The following RBFOX1 variants were observed in gnomAD, a reference collection of about 807,000 sequenced individuals.
RBFOX1 encodes the protein RNA binding fox-1 homolog 1, also known as RNA binding protein fox-1 homolog 1.
A neutral mutation model predicts 57.7 loss-of-function variants in RBFOX1; 8 were observed. That is an observed-to-expected ratio of 0.14 (90% CI 0.08 to 0.25). The LOEUF is 0.25. Among genes scored for constraint, RBFOX1 ranks in the 10% least tolerant of loss-of-function variants. The pLI is 1.00. For synonymous variants in RBFOX1, 326 were observed against 222.4 expected (o/e 1.47, Z -4.15); for missense variants, 611 against 548.5 (o/e 1.11, Z -1.14).
chr16:7,241,777 C>G (rs2094075684), intron 4 of RBFOX1, among the ~76,000 whole-genome samples: 1 of 151,402 alleles, frequency 6.6e-6, no homozygotes, highest in Non-Finnish European at 1.5e-5. Context: ...CCTTCTTTTT[C>G]TCTTTCAATC....
At chr16:6,346,127 G>A (rs1318132356) in intron 2 of RBFOX1, among the ~76,000 whole-genome samples, 1 of 152,146 alleles carries the variant, frequency 6.6e-6, no homozygotes, top group East Asian at 1.9e-4. Context: ...GCATTTCCCA[G>A]CTTGACTTTT....
chr16:6,846,275 T>C (rs1018394249), intron 3 of RBFOX1, among the ~76,000 whole-genome samples: 2 of 152,084 alleles, frequency 1.3e-5, no homozygotes, highest in Non-Finnish European at 1.5e-5. Context: ...GGCCCGAAGA[T>C]CCCCAATTCC....
At position 5,774,544 on chromosome 16, in the gene RBFOX1, T is replaced by TAAG. The variant is rs1353288672; in HGVS notation, c.319-92758_319-92756dup. 3.3e-5 allele frequency among the ~76,000 whole-genome samples: 5 copies of TAAG among 152,332 alleles called. No homozygotes were observed. The East Asian group carries it at 7.7e-4, about 24-fold the overall frequency. On this transcript the variant is annotated intron_variant, in intron 3 of 19. Coordinates refer to the RBFOX1 transcript ENST00000641259. ...TGCAGCTTCCTTCCACATATCCTAGTAAGTAGTAGTTATCAATAGCTAAAC... is the reference window on the plus strand; with the variant it reads ...TGCAGCTTCCTTCCACATATCCTAGTAAGAAGTAGTAGTTATCAATAGCTAAAC...
At chr16:5,380,259 G>A (rs962393113) in intron 1 of RBFOX1, among the ~76,000 whole-genome samples, 1 of 152,188 alleles carries the variant, frequency 6.6e-6, no homozygotes, top group African/African-American at 2.4e-5. Flanking sequence ...TCGACTTTCA[G>A]TAGGTAGATG....
At chr16:5,271,444 A>G (rs2063004896) in intron 1 of RBFOX1, among the ~76,000 whole-genome samples, 1 of 152,176 alleles carries the variant, frequency 6.6e-6, no homozygotes, top group African/African-American at 2.4e-5. Context: ...GGTATCCCCT[A>G]GGGATCCTGC....
chr16:5,719,051 A>G (rs1377167381), intron 3 of RBFOX1, among the ~76,000 whole-genome samples: 1 of 152,154 alleles, frequency 6.6e-6, no homozygotes, highest in African/African-American at 2.4e-5. Context: ...AGTGACTGGC[A>G]GATAGCAAGA....
At chr16:5,421,723 C>T (rs1301190551) in intron 1 of RBFOX1, among the ~76,000 whole-genome samples, 1 of 152,134 alleles carries the variant, frequency 6.6e-6, no homozygotes, top group Non-Finnish European at 1.5e-5. Context: ...AAGTCAGTAG[C>T]TGAATAATAG....
chr16:7,616,860 T>G (rs2058531375), intron 10 of RBFOX1, among the ~76,000 whole-genome samples: 1 of 152,106 alleles, frequency 6.6e-6, no homozygotes, highest in Non-Finnish European at 1.5e-5. Context: ...GCAGATAATA[T>G]TCTAAGGCCT....
chr16:6,693,703 T>TCCTCCTCCACTACCATCAC (rs1366161942), intron 3 of RBFOX1, among the ~76,000 whole-genome samples: 59 of 151,402 alleles, frequency 3.9e-4, no homozygotes, highest in African/African-American at 1.3e-3. Context: ...ATCACCATCA[T>TCCTCCTCCACTACCATCAC]CCTCCTCCAC....
chr16:6,690,413 T>TA (rs894904117), intron 3 of RBFOX1, among the ~76,000 whole-genome samples: 3 of 152,142 alleles, frequency 2.0e-5, no homozygotes, highest in African/African-American at 4.8e-5. Context: ...ATCACACTTT[T>TA]AAAAAAATGG....
At chr16:6,123,046 C>G (rs934677032) in intron 1 of RBFOX1, among the ~76,000 whole-genome samples, 4 of 151,904 alleles carry the variant, frequency 2.6e-5, no homozygotes, top group South Asian at 2.1e-4. Flanking sequence ...AGAAGAAAAT[C>G]TTTGCATAAC....
At chr16:5,911,957 C>T (rs542315981) in intron 4 of RBFOX1, among the ~76,000 whole-genome samples, 1 of 152,246 alleles carries the variant, frequency 6.6e-6, no homozygotes, top group Non-Finnish European at 1.5e-5. Flanking sequence ...ACATTCAGAC[C>T]TTAGTAGGCA....
intron 1 of RBFOX1, among the ~76,000 whole-genome samples, chr16:5,446,227 G>A (rs747730200): frequency 9.9e-5 from 15 of 152,106 alleles, no homozygotes; most frequent in Non-Finnish European, 2.1e-4. Flanking sequence ...CATTTTTCAA[G>A]CAAAAGGGAC....
chr16:6,692,032 A>G (rs1332638007), intron 3 of RBFOX1, among the ~76,000 whole-genome samples: 1 of 152,234 alleles, frequency 6.6e-6, no homozygotes, highest in Non-Finnish European at 1.5e-5. Flanking sequence ...GCCTGTTGAC[A>G]CCATCATTTC....
intron 3 of RBFOX1, among the ~76,000 whole-genome samples, chr16:5,637,365 A>T (rs552502847): frequency 2.2e-4 from 33 of 152,280 alleles, no homozygotes; most frequent in African/African-American, 7.9e-4. Context: ...CTCCAGAGCT[A>T]GGTTTCCAGG....
intron 3 of RBFOX1, among the ~76,000 whole-genome samples, chr16:6,737,396 G>A (rs905098597): frequency 3.9e-5 from 6 of 152,214 alleles, no homozygotes; most frequent in African/African-American, 1.2e-4. Context: ...GAAATATTGG[G>A]CCTTCATGTA....
intron 3 of RBFOX1, among the ~76,000 whole-genome samples, chr16:6,759,274 C>G: frequency 6.6e-6 from 1 of 152,020 alleles, no homozygotes; most frequent in African/African-American, 2.4e-5. Context: ...TTTCAGCCTC[C>G]CAAGTAGCTG....
intron 2 of RBFOX1, among the ~76,000 whole-genome samples, chr16:5,587,332 C>G (rs1046844072): frequency 4.6e-5 from 7 of 152,202 alleles, no homozygotes; most frequent in African/African-American, 1.7e-4. Flanking sequence ...TGAAAAGATG[C>G]TCGACATCGT....
intron 3 of RBFOX1, among the ~76,000 whole-genome samples, chr16:5,728,807 T>A (rs559390708): frequency 6.6e-6 from 1 of 152,218 alleles, no homozygotes; most frequent in Non-Finnish European, 1.5e-5. Context: ...CTGGCCCCTT[T>A]CTTCCCTCCC....
Sources: allele counts gnomAD v4.1 joint callset (sites outside exome capture counted in the v4.1 genomes callset), GRCh38; gene constraint gnomAD v4.1.1; transcripts MANE v1.5; gene names NCBI Gene and HGNC (gene_info 2026-07-23, HGNC 2026-07-21).